The following SLIT1 variants were observed in gnomAD, a reference collection of about 807,000 sequenced individuals.
The protein encoded by SLIT1 is slit guidance ligand 1.
SLIT1 carries 66 observed loss-of-function variants against 186.1 expected under a neutral mutation model. That is an observed-to-expected ratio of 0.35 (90% CI 0.29 to 0.44). The LOEUF is 0.44. Ranked by LOEUF, SLIT1 falls within the 20% of genes least tolerant of loss-of-function variation. The pLI is 1.00. For synonymous variants in SLIT1, 761 were observed against 833.8 expected, an observed-to-expected ratio of 0.91 and a Z score of 1.50; for missense variants, 1,638 against 2,037.4, an observed-to-expected ratio of 0.80 and a Z score of 3.77.
Position 97,185,726 on chromosome 10 carries a change from A to C in SLIT1, c.-52T>G. 4 of 1,404,544 alleles carry C rather than the reference A, an allele frequency of 2.8e-6. No individual in the cohort carries two copies. The highest frequency in any genetic ancestry group is 3.7e-6 in the Non-Finnish European group (4 of 1,080,708). The allele number at this position is 1,404,544 out of a possible 1,614,324, so 87.0% of individuals were successfully genotyped here. A position where few individuals can be genotyped will look rare whatever the true frequency, so the allele number is the denominator to read the frequency against. On this transcript the variant is annotated 5_prime_UTR_variant, in exon 1 of 37. The change abolishes an upstream ATG in the 5' untranslated region. Transcript: ENST00000266058. ...AGCCAGACGGCAGCAGCCGCTGACCATCCCCGTCCGGGGCCGCCTCCAGGT... is the reference window on the plus strand; with the variant it reads ...AGCCAGACGGCAGCAGCCGCTGACCCTCCCCGTCCGGGGCCGCCTCCAGGT...
intron 3 of SLIT1, among the ~76,000 whole-genome samples, chr10:97,160,903 T>C (rs1018860747): frequency 6.6e-6 from 1 of 152,036 alleles, no homozygotes; most frequent in Non-Finnish European, 1.5e-5. Context: ...ATATTTTTAG[T>C]AGAGGCAGGG....
chr10:97,046,821 A>T (rs1170557100), intron 17 of SLIT1, 24 bp from the exon 18 acceptor site: 5 of 1,607,648 alleles, frequency 3.1e-6, no homozygotes, highest in Middle Eastern at 3.3e-4. Flanking sequence ...CGGGGGGAGG[A>T]TTACATATGG....
rs1850390331 is a variant in SLIT1, at chr10:97,184,902, G to T, written c.197+576C>A. ...GATGGCTGGGTGTGGAGGGAGGCGG[G>T]TGAGTAGGGGACCAACGCGTGGCAC... On this transcript the variant is annotated intron_variant, in intron 1 of 36. Transcript: ENST00000266058. This position sits in a 1 kb window ranked among gnomAD's most constrained non-coding sequence, Gnocchi z 4.4. Among the ~76,000 whole-genome samples the T allele has an allele frequency of 6.6e-6, 1 of 152,152 alleles. No individual in the cohort carries two copies. Among genetic ancestry groups the T allele is most frequent in the Non-Finnish European group, 1.5e-5 (1 of 68,028 alleles).
intron 4 of SLIT1, among the ~76,000 whole-genome samples, chr10:97,090,304 G>A (rs569754346): frequency 6.6e-6 from 1 of 152,174 alleles, no homozygotes; most frequent in East Asian, 1.9e-4. Context: ...AGGGAGAAAC[G>A]AAGTGACAAG....
intron 1 of SLIT1, among the ~76,000 whole-genome samples, chr10:97,168,056 T>C (rs1313206300): frequency 1.3e-5 from 2 of 152,178 alleles, no homozygotes; most frequent in Non-Finnish European, 2.9e-5. Flanking sequence ...CACACACACA[T>C]GAATACAGAA....
In SLIT1 at chr10:97,166,530, AGAAG is replaced by A. The variant is rs1241751831; in HGVS notation, c.198-1644_198-1641del. ...AAACTCTGTCTCCAAAAAAAAAGAAAGAAGGAAGGAAGGAAGGAAGGAAGGAAAG... is the reference window on the plus strand; with the variant it reads ...AAACTCTGTCTCCAAAAAAAAAGAAAGAAGGAAGGAAGGAAGGAAGGAAAG... On this transcript the variant is annotated intron_variant, in intron 1 of 36. Coordinates refer to ENST00000266058, the MANE Select transcript of SLIT1 (RefSeq NM_003061.3). Among the ~76,000 whole-genome samples the A allele has an allele frequency of 1.1e-3, 57 of 49,774 alleles. 1 individual carries two copies. The highest frequency in any genetic ancestry group is 3.5e-3 in the African/African-American group (55 of 15,884). 32.7% of individuals were successfully genotyped at this position (49,774 alleles called of 152,430 possible).
At chr10:97,101,125 G>A (rs1414944130) in intron 4 of SLIT1, among the ~76,000 whole-genome samples, 2 of 152,172 alleles carry the variant, frequency 1.3e-5, no homozygotes, top group African/African-American at 4.8e-5. Flanking sequence ...AATCCCAAAG[G>A]CACATTCAGA....
At chr10:97,084,762 C>G (rs1171963396) in intron 4 of SLIT1, among the ~76,000 whole-genome samples, 1 of 151,680 alleles carries the variant, frequency 6.6e-6, no homozygotes, top group African/African-American at 2.4e-5. Flanking sequence ...AGTGCCACCA[C>G]GCTTGGCTAA....
intron 25 of SLIT1, among the ~76,000 whole-genome samples, chr10:97,030,222 G>A (rs1413266188): frequency 6.6e-6 from 1 of 152,178 alleles, no homozygotes; most frequent in Non-Finnish European, 1.5e-5. Context: ...TCATAGCACT[G>A]CTAGCTAAAT....
intron 4 of SLIT1, among the ~76,000 whole-genome samples, chr10:97,113,554 T>A (rs1220529561): frequency 6.7e-6 from 1 of 149,570 alleles, no homozygotes; most frequent in Non-Finnish European, 1.5e-5. Context: ...ATTTTTCTTT[T>A]AGGTTTTTTT....
intron 1 of SLIT1, among the ~76,000 whole-genome samples, chr10:97,168,070 G>A (rs1306680079): frequency 6.6e-6 from 1 of 152,208 alleles, no homozygotes; most frequent in Non-Finnish European, 1.5e-5. Flanking sequence ...TACAGAATGA[G>A]CTGGGGGCTG....
intron 21 of SLIT1, 108 bp from the exon 22 acceptor site, chr10:97,037,874 TC>T: frequency 1.2e-6 from 1 of 809,246 alleles, no homozygotes; most frequent in Non-Finnish European, 2.0e-6. Context: ...TTTCCTCTCC[TC>T]CACATAGGCC....
Position 97,013,768 on chromosome 10 carries a change from T to C in SLIT1, c.3176A>G (p.Gln1059Arg). The C allele has an allele frequency of 1.3e-6, 2 of 1,551,498 alleles. No homozygotes were observed. Among genetic ancestry groups the C allele is most frequent in the Non-Finnish European group, 1.7e-6 (2 of 1,146,938 alleles). Residue 1059 changes from glutamine to arginine, a missense_variant, in exon 30 of 37, where the codon CAG (glutamine) becomes CGG (arginine). Gln to Arg is a conservative substitution (Grantham distance 43). Transcript: ENST00000266058. ...GGGCCCATCCGGGGTGCCCACACAC[T>C]GGGCCTCGTGTTGACATGGGTTCAG... ...PDLNPCQHEA[Q>R]CVGTPDGPRC...
intron 4 of SLIT1, among the ~76,000 whole-genome samples, chr10:97,132,686 C>CA (rs138001602): frequency 0.013 from 1,977 of 152,330 alleles, 37 homozygotes; most frequent in African/African-American, 0.041. Flanking sequence ...TGTATTCCCC[C>CA]ACCTTTGGAG....
chr10:97,127,864 G>C (rs1013887056), intron 4 of SLIT1, among the ~76,000 whole-genome samples: 1 of 152,168 alleles, frequency 6.6e-6, no homozygotes, highest in Admixed American at 6.5e-5. Flanking sequence ...GACAGGATGT[G>C]AATTAGAACC....
intron 4 of SLIT1, among the ~76,000 whole-genome samples, chr10:97,108,940 C>A (rs1849440074): frequency 6.9e-6 from 1 of 144,676 alleles, no homozygotes; most frequent in Non-Finnish European, 1.5e-5. Flanking sequence ...ACTCAGTGGT[C>A]CTGAGATCAC....
At chr10:97,176,349 T>A (rs1319864361) in intron 1 of SLIT1, among the ~76,000 whole-genome samples, 3 of 151,958 alleles carry the variant, frequency 2.0e-5, no homozygotes, top group Non-Finnish European at 4.4e-5. Flanking sequence ...CAAAACTCCC[T>A]CTCACCTCTC....
chr10:97,066,040 GA>G lies in SLIT1; in HGVS notation c.459del (p.Arg154GlyfsTer33). On this transcript the variant is annotated frameshift_variant, in exon 5 of 37. Coordinates refer to ENST00000266058, the MANE Select transcript of SLIT1 (RefSeq NM_003061.3). LOFTEE classifies it high-confidence loss of function. ...NAIQAIPRKA[F>X]RGATDLKNLQ... ...AAATTTTTAAGGTCCGTAGCTCCCC[GA>G]AAAGCTTTCCTGGGGATGGCCTGGA... 1 of 1,605,978 alleles carries G rather than the reference GA, an allele frequency of 6.2e-7. No individual in the cohort carries two copies. The highest frequency in any genetic ancestry group is 8.5e-7 in the Non-Finnish European group (1 of 1,175,550).
chr10:97,014,004 C>A lies in SLIT1; in HGVS notation c.3109+15G>T. Reference sequence around the variant, plus strand: ...TCCCCACCTCCCCCAGACACTGCTGCCCTGACGCACTTACCCTCATACTGC... The same window carrying A: ...TCCCCACCTCCCCCAGACACTGCTGACCTGACGCACTTACCCTCATACTGC... On this transcript the variant is annotated intron_variant, in intron 29 of 36. Transcript: ENST00000266058. 1 of 1,612,174 alleles carries A rather than the reference C, an allele frequency of 6.2e-7. No homozygotes were observed. Among genetic ancestry groups the A allele is most frequent in the East Asian group, 2.2e-5 (1 of 44,876 alleles).
Sources: allele counts gnomAD v4.1 joint callset (sites outside exome capture counted in the v4.1 genomes callset), GRCh38; gene constraint gnomAD v4.1.1; non-coding constraint Gnocchi (gnomAD v3.1); transcripts MANE v1.5; gene names NCBI Gene and HGNC (gene_info 2026-07-23, HGNC 2026-07-21).